Variants in MARCHF1 observed in about 807,000 individuals in gnomAD.
The protein encoded by MARCHF1 is E3 ubiquitin-protein ligase MARCHF1.
Under a neutral mutation model 54.2 loss-of-function variants are expected in MARCHF1, and 40 were observed. The observed-to-expected ratio is 0.74, with a 90% CI of 0.57 to 0.96. MARCHF1 has a LOEUF of 0.96. Among genes scored for constraint, MARCHF1 ranks in the 40% least tolerant of loss-of-function variants. The probability of loss-of-function intolerance (pLI) is 0.00; values close to 1 mark genes in which losing one functional copy is unlikely to be tolerated. For synonymous variants in MARCHF1, 236 were observed against 236.3 expected, an observed-to-expected ratio of 1.00 and a Z score of 0.01; for missense variants, 586 against 656.5, an observed-to-expected ratio of 0.89 and a Z score of 1.17.
intron 5 of MARCHF1, among the ~76,000 whole-genome samples, chr4:163,696,632 T>G (rs1486000636): frequency 6.6e-6 from 1 of 152,178 alleles, no homozygotes; most frequent in Non-Finnish European, 1.5e-5. Flanking sequence ...TATTTAAAGT[T>G]CCATCTCAAA....
rs147102623 is a variant in MARCHF1 at position 164,299,812 on chromosome 4, A to G, written c.-323+84058T>C. 2.7e-3 allele frequency among the ~76,000 whole-genome samples: 411 copies of G among 152,318 alleles called. 7 individuals are homozygous for G. The South Asian group carries it at 0.029, about 11-fold the overall frequency. The stretch of plus-strand genomic sequence containing the variant: ...AGAGAGGTGGCACTAATATAAAAAC[A>G]GGTAACTTTTATGTTACTTAGTTTT... On this transcript the variant is annotated intron_variant, in intron 1 of 9. Coordinates refer to ENST00000514618, the MANE Select transcript of MARCHF1 (RefSeq NM_001394959.1).
chr4:163,533,147 T>C (rs1314264957), intron 9 of MARCHF1, among the ~76,000 whole-genome samples: 1 of 151,242 alleles, frequency 6.6e-6, no homozygotes, highest in East Asian at 2.0e-4. Context: ...GATACATCCA[T>C]GTAATGGAGT....
intron 1 of MARCHF1, among the ~76,000 whole-genome samples, chr4:164,365,173 C>T (rs1396613201): frequency 6.6e-6 from 1 of 151,768 alleles, no homozygotes; most frequent in Non-Finnish European, 1.5e-5. Context: ...AAAATAAATG[C>T]ACCTTTAAAA....
intron 2 of MARCHF1, among the ~76,000 whole-genome samples, chr4:164,056,494 C>A (rs1430340065): frequency 7.2e-6 from 1 of 139,758 alleles, no homozygotes; most frequent in Non-Finnish European, 1.6e-5. Flanking sequence ...TCCTGCCCTG[C>A]TTTTCTTGGA....
chr4:163,601,042 G>C (rs965153251), intron 7 of MARCHF1, among the ~76,000 whole-genome samples: 4 of 152,152 alleles, frequency 2.6e-5, no homozygotes. Flanking sequence ...AAGAAAACTC[G>C]TTGAGGTTGC....
chr4:163,671,557 G>A (rs1743737050), intron 5 of MARCHF1, among the ~76,000 whole-genome samples: 1 of 152,138 alleles, frequency 6.6e-6, no homozygotes, highest in African/African-American at 2.4e-5. Flanking sequence ...TACTTTCCTT[G>A]TAAGTAGTGA....
intron 1 of MARCHF1, among the ~76,000 whole-genome samples, chr4:164,138,678 GC>G (rs1263919358): frequency 2.0e-5 from 3 of 152,146 alleles, no homozygotes; most frequent in African/African-American, 7.2e-5. Flanking sequence ...TCCTCTACTT[GC>G]CTTGGTGATC....
chr4:164,181,812 A>G (rs1317048123), intron 1 of MARCHF1, among the ~76,000 whole-genome samples: 1 of 152,156 alleles, frequency 6.6e-6, no homozygotes, highest in African/African-American at 2.4e-5. Flanking sequence ...TCCATGAACT[A>G]CTGTTATTTT....
intron 1 of MARCHF1, among the ~76,000 whole-genome samples, chr4:164,221,475 C>T (rs546254511): frequency 3.3e-5 from 5 of 151,994 alleles, no homozygotes; most frequent in African/African-American, 4.8e-5. Context: ...AAAAAATTAA[C>T]GAATTCCCTA....
chr4:163,612,966 A>G lies in MARCHF1; in HGVS notation c.315T>C (p.Ala105=). The part of the protein sequence containing the change: ...YCTPVMVLSP[A]RKESGKKSVI... ...CTGATTTCTTACCAGACTCCTTCCT[A>G]GCAGGGCTCAGCACCATGACAGGGG... Residue 105 remains alanine, a synonymous_variant, in exon 7 of 10, where the codon GCT becomes GCC. Coordinates refer to ENST00000514618, the MANE Select transcript of MARCHF1 (RefSeq NM_001394959.1). 2 of 1,533,322 alleles carry G rather than the reference A, an allele frequency of 1.3e-6. No homozygotes were observed. The highest frequency in any genetic ancestry group is 1.7e-6 in the Non-Finnish European group (2 of 1,145,746). 95.0% of individuals were successfully genotyped at this position (1,533,322 alleles called of 1,614,324 possible).
At chr4:163,987,935 G>A (rs530730503) in intron 3 of MARCHF1, among the ~76,000 whole-genome samples, 2 of 152,136 alleles carry the variant, frequency 1.3e-5, no homozygotes, top group Non-Finnish European at 2.9e-5. Context: ...TTGTCATGAG[G>A]AACAAAATAT....
chr4:164,213,925 A>G (rs1405318086), intron 1 of MARCHF1, among the ~76,000 whole-genome samples: 4 of 152,152 alleles, frequency 2.6e-5, no homozygotes, highest in Non-Finnish European at 5.9e-5. Context: ...TTAAAAGAGC[A>G]TAACTGGATT....
chr4:163,996,928 C>T (rs914179195), intron 2 of MARCHF1, among the ~76,000 whole-genome samples: 1 of 152,018 alleles, frequency 6.6e-6, no homozygotes, highest in Non-Finnish European at 1.5e-5. Context: ...ATCTGGACTT[C>T]TAGCCTCCAG....
chr4:164,047,473 G>T (rs932713749), intron 2 of MARCHF1, among the ~76,000 whole-genome samples: 3 of 152,182 alleles, frequency 2.0e-5, no homozygotes, highest in African/African-American at 7.2e-5. Flanking sequence ...TTGTAAATGG[G>T]TGTTGTTTAA....
intron 2 of MARCHF1, among the ~76,000 whole-genome samples, chr4:163,997,806 AG>A (rs1324140643): frequency 3.9e-5 from 6 of 151,966 alleles, no homozygotes; most frequent in African/African-American, 1.4e-4. Context: ...ATCTTATCAA[AG>A]AAGAAGACTT....
intron 7 of MARCHF1, among the ~76,000 whole-genome samples, chr4:163,607,958 T>C (rs929659988): frequency 6.6e-6 from 1 of 152,106 alleles, no homozygotes; most frequent in Non-Finnish European, 1.5e-5. Context: ...ATTCTTTCCA[T>C]GTTGGCTCTA....
chr4:163,908,029 T>C (rs1316982079), intron 3 of MARCHF1, among the ~76,000 whole-genome samples: 1 of 152,090 alleles, frequency 6.6e-6, no homozygotes, highest in Non-Finnish European at 1.5e-5. Flanking sequence ...CTTATTTCAA[T>C]GGTAATACAA....
intron 5 of MARCHF1, among the ~76,000 whole-genome samples, chr4:163,643,039 G>A (rs542883427): frequency 5.9e-5 from 9 of 151,496 alleles, no homozygotes; most frequent in South Asian, 4.2e-4. Flanking sequence ...TTGGCCAGGC[G>A]CAGTGGCTCA....
intron 1 of MARCHF1, among the ~76,000 whole-genome samples, chr4:164,292,348 G>A (rs1734303737): frequency 1.3e-5 from 2 of 152,070 alleles, no homozygotes; most frequent in African/African-American, 2.4e-5. Context: ...TTTTCATACA[G>A]AATTTTCTTC....
Sources: gnomAD v4.1 joint callset for allele counts (sites outside exome capture counted in the v4.1 genomes callset) on GRCh38, gnomAD v4.1.1 for gene constraint, MANE v1.5 for transcripts, NCBI Gene and HGNC (gene_info 2026-07-23, HGNC 2026-07-21) for gene names.